The following HECW2 variants were observed in gnomAD, a reference collection of about 807,000 sequenced individuals.
HECW2 encodes the protein HECT, C2 and WW domain containing E3 ubiquitin protein ligase 2, also known as E3 ubiquitin-protein ligase HECW2.
Under a neutral mutation model 175.2 loss-of-function variants are expected in HECW2, and 61 were observed. That is an observed-to-expected ratio of 0.35 (90% CI 0.28 to 0.43). HECW2 has a LOEUF of 0.43. HECW2 is among the 20% of genes least tolerant of loss of function. The pLI, the probability that HECW2 is intolerant of heterozygous loss-of-function variation, is 1.00. For missense variants in HECW2, 1,524 were observed against 2,000.5 expected (o/e 0.76, Z 4.54); for synonymous variants, 671 against 731.0 (o/e 0.92, Z 1.32).
intron 1 of HECW2, among the ~76,000 whole-genome samples, 154 bp downstream of exon 1, chr2:196,593,354 C>T (rs1691283648): frequency 1.3e-5 from 2 of 150,798 alleles, no homozygotes; most frequent in Non-Finnish European, 3.0e-5. Flanking sequence ...CCGCAGCGCC[C>T]GGCTCCCCGC....
At chr2:196,286,239 G>C (rs1421208594) in intron 14 of HECW2, among the ~76,000 whole-genome samples, 1 of 152,124 alleles carries the variant, frequency 6.6e-6, no homozygotes, top group African/African-American at 2.4e-5. Context: ...CTGCCACAGA[G>C]AGCTGATTGT....
intron 1 of HECW2, among the ~76,000 whole-genome samples, chr2:196,573,658 T>G (rs1409068261): frequency 1.3e-5 from 2 of 152,136 alleles, no homozygotes; most frequent in Non-Finnish European, 2.9e-5. Context: ...CCCCACAGCA[T>G]GTGTTGAAAA....
intron 2 of HECW2, among the ~76,000 whole-genome samples, chr2:196,351,643 T>C (rs1025002939): frequency 6.6e-6 from 1 of 152,196 alleles, no homozygotes; most frequent in African/African-American, 2.4e-5. Context: ...TTCTTTTGCT[T>C]TAAAGTAATT....
intron 2 of HECW2, among the ~76,000 whole-genome samples, chr2:196,404,988 C>G (rs956334125): frequency 3.9e-5 from 1 of 25,536 alleles, no homozygotes; most frequent in African/African-American, 7.2e-5. Context: ...CCACTCCCGG[C>G]AAATTTTTTT....
At chr2:196,238,807 C>T (rs920136544) in intron 21 of HECW2, 5 of 152,234 alleles carry the variant, frequency 3.3e-5, no homozygotes, top group Non-Finnish European at 7.3e-5. Flanking sequence ...CACCCTGGAC[C>T]TCCTCCTAGG....
intron 1 of HECW2, among the ~76,000 whole-genome samples, chr2:196,570,389 T>C (rs1166058230): frequency 6.6e-6 from 1 of 152,238 alleles, no homozygotes; most frequent in African/African-American, 2.4e-5. Context: ...TGCAAACTTA[T>C]CTGGTTGGGC....
chr2:196,374,792 G>A (rs1258886706), intron 2 of HECW2, among the ~76,000 whole-genome samples: 6 of 151,662 alleles, frequency 4.0e-5, no homozygotes, highest in African/African-American at 1.5e-4. Flanking sequence ...TCACCTCTAG[G>A]GGACAAAGCA....
At chr2:196,373,641 T>C (rs1379282109) in intron 2 of HECW2, among the ~76,000 whole-genome samples, 1 of 152,240 alleles carries the variant, frequency 6.6e-6, no homozygotes, top group Non-Finnish European at 1.5e-5. Context: ...AAAAAAGCTA[T>C]TGTTTTTAAA....
At chr2:196,344,955 C>T (rs1448031820) in intron 2 of HECW2, among the ~76,000 whole-genome samples, 2 of 152,144 alleles carry the variant, frequency 1.3e-5, no homozygotes, top group Non-Finnish European at 2.9e-5. Flanking sequence ...AGAGGGATTT[C>T]TGGTTTTTTT....
At chr2:196,591,061 A>G (rs1469752805) in intron 1 of HECW2, among the ~76,000 whole-genome samples, 2 of 152,226 alleles carry the variant, frequency 1.3e-5, no homozygotes, top group East Asian at 1.9e-4. Context: ...TAGATAATCC[A>G]CAACAGTGGT....
intron 1 of HECW2, among the ~76,000 whole-genome samples, chr2:196,479,237 T>C (rs1489451954): frequency 6.6e-6 from 1 of 152,204 alleles, no homozygotes; most frequent in African/African-American, 2.4e-5. Context: ...ATTTTTTATC[T>C]AAAACCCCCA....
intron 13 of HECW2, among the ~76,000 whole-genome samples, chr2:196,295,980 C>T (rs1323953532): frequency 6.6e-6 from 1 of 152,186 alleles, no homozygotes; most frequent in Non-Finnish European, 1.5e-5. Flanking sequence ...AGATCCACAG[C>T]CTTTTCAAGT....
chr2:196,367,724 G>A (rs1693783776), intron 2 of HECW2, among the ~76,000 whole-genome samples: 1 of 151,958 alleles, frequency 6.6e-6, no homozygotes, highest in East Asian at 1.9e-4. Flanking sequence ...GTTCCCACAA[G>A]TAAGTGACAA....
At chr2:196,372,231 A>G (rs915271771) in intron 2 of HECW2, among the ~76,000 whole-genome samples, 22 of 152,364 alleles carry the variant, frequency 1.4e-4, no homozygotes, top group African/African-American at 5.3e-4. Context: ...AACAGTAATA[A>G]GAAGCACAAA....
At chr2:196,263,298 A>G (rs182813778) in intron 17 of HECW2, 42 of 152,310 alleles carry the variant, frequency 2.8e-4, no homozygotes, top group African/African-American at 9.1e-4. Flanking sequence ...GATCAACTCT[A>G]CTAGATCATT....
chr2:196,560,865 C>T (rs991023346), intron 1 of HECW2, among the ~76,000 whole-genome samples: 2 of 152,214 alleles, frequency 1.3e-5, no homozygotes, highest in African/African-American at 2.4e-5. Flanking sequence ...TTACTTTAAT[C>T]TCTTAATCCT....
In HECW2 at chr2:196,318,682, G is replaced by T. The variant is rs1275233822; in HGVS notation, c.2208C>A (p.Val736=). ...CCTCCAGGCTCCCCCTCCGCTGCCA[G>T]ACCTCCCCCAGCTCCTCCTGGTCAG... ...TVPDQEELGE[V]WQRRGSLEGA... Residue 736 remains valine (V), a synonymous_variant, in exon 9 of 29, where the codon GTC becomes GTA. Transcript: ENST00000644978. The T allele has an allele frequency of 6.3e-7, 1 of 1,595,478 alleles. No homozygotes were observed. The highest frequency in any genetic ancestry group is 2.2e-5 in the East Asian group (1 of 44,448).
At chr2:196,288,219 T>C (rs1014799462) in intron 14 of HECW2, 1 of 152,212 alleles carries the variant, frequency 6.6e-6, no homozygotes, top group South Asian at 2.1e-4. Context: ...TCTAAATTAC[T>C]TGGCTTTCAA....
rs572635023 is a variant in HECW2, at chr2:196,415,792, C to A, written c.292+17340G>T. ...GTTTCTGTAAAAATGAAAGGATTGG[C>A]CAGAAAACTGGGAGATCCAGGACAG... On this transcript the variant is annotated intron_variant, in intron 2 of 28. Transcript: ENST00000644978. Among the ~76,000 whole-genome samples the A allele has an allele frequency of 2.6e-5, 4 of 152,194 alleles. No individual in the cohort carries two copies. In the South Asian group the frequency reaches 8.3e-4, roughly 32 times the overall value.
Sources: gnomAD v4.1 joint callset for allele counts (sites outside exome capture counted in the v4.1 genomes callset) on GRCh38, gnomAD v4.1.1 for gene constraint, MANE v1.5 for transcripts, NCBI Gene and HGNC (gene_info 2026-07-23, HGNC 2026-07-21) for gene names.